Variants in MYLK4 observed in about 807,000 individuals in gnomAD.
MYLK4 encodes myosin light chain kinase family member 4.
A neutral mutation model predicts 48.1 loss-of-function variants in MYLK4; 46 were observed. The ratio of observed to expected loss-of-function variants is 0.96; its 90% confidence interval spans 0.75 to 1.22. MYLK4 has a LOEUF of 1.22. Ranked by LOEUF, MYLK4 falls within the 50% of genes most tolerant of loss-of-function variation. The pLI is 0.00. For missense variants in MYLK4, 451 were observed against 486.1 expected, an observed-to-expected ratio of 0.93 and a Z score of 0.68; for synonymous variants, 170 against 180.8, an observed-to-expected ratio of 0.94 and a Z score of 0.48.
At position 2,677,412 on chromosome 6, in the gene MYLK4, T is replaced by A. The variant is rs565759616; in HGVS notation, c.1040+808A>T. On this transcript the variant is annotated intron_variant, in intron 10 of 12. Transcript: ENST00000274643. ...ATTAGTGACTTTAAAGCCATAAAGA[T>A]AATAAAACGATAAGGCAAGTGCTAT... 1.2e-3 allele frequency among the ~76,000 whole-genome samples: 189 copies of A among 152,302 alleles called. 1 individual carries two copies. Among genetic ancestry groups the A allele is most frequent in the African/African-American group, 4.3e-3 (177 of 41,572 alleles).
At chr6:2,684,571 C>G (rs1761452570) in intron 6 of MYLK4, among the ~76,000 whole-genome samples, 1 of 152,026 alleles carries the variant, frequency 6.6e-6, no homozygotes, top group African/African-American at 2.4e-5. Context: ...TCCACAGGTT[C>G]AAACAATCGT....
At chr6:2,712,683 G>A (rs1762717095) in intron 2 of MYLK4, among the ~76,000 whole-genome samples, 1 of 152,198 alleles carries the variant, frequency 6.6e-6, no homozygotes, top group African/African-American at 2.4e-5. Context: ...AGGCCCAAAT[G>A]AGACGTGCCT....
At chr6:2,747,266 T>G (rs1247352941) in intron 2 of MYLK4, among the ~76,000 whole-genome samples, 1 of 152,174 alleles carries the variant, frequency 6.6e-6, no homozygotes, top group African/African-American at 2.4e-5. Flanking sequence ...AACTTCCAAA[T>G]CATCAACTTC....
At chr6:2,682,086 G>A (rs1761330630) in intron 7 of MYLK4, among the ~76,000 whole-genome samples, 1 of 152,198 alleles carries the variant, frequency 6.6e-6, no homozygotes, top group South Asian at 2.1e-4. Flanking sequence ...AGTGAGGGAA[G>A]CCAAGTTATA....
chr6:2,751,805 A>AT, upstream of MYLK4, among the ~76,000 whole-genome samples: 1 of 152,282 alleles, frequency 6.6e-6, no homozygotes, highest in South Asian at 2.1e-4. Context: ...ATATTTTTCC[A>AT]TTTTATGTAG....
chr6:2,696,440 A>G (rs1762063421), intron 2 of MYLK4, among the ~76,000 whole-genome samples: 1 of 152,192 alleles, frequency 6.6e-6, no homozygotes, highest in African/African-American at 2.4e-5. Flanking sequence ...ATGATTGGAG[A>G]GTCCTCATGA....
At chr6:2,694,941 A>T (rs1762007624) in intron 2 of MYLK4, among the ~76,000 whole-genome samples, 2 of 152,192 alleles carry the variant, frequency 1.3e-5, no homozygotes, top group African/African-American at 4.8e-5. Flanking sequence ...GCCAAGTTAC[A>T]TGATTCCTAT....
At chr6:2,744,593 A>C (rs977970214) in intron 2 of MYLK4, among the ~76,000 whole-genome samples, 1 of 152,234 alleles carries the variant, frequency 6.6e-6, no homozygotes, top group African/African-American at 2.4e-5. Context: ...AAATCCACCA[A>C]CTGCAATCAA....
chr6:2,750,345 A>G (rs550686325), intron 1 of MYLK4, among the ~76,000 whole-genome samples: 1 of 152,346 alleles, frequency 6.6e-6, no homozygotes, highest in South Asian at 2.1e-4. Flanking sequence ...AATTATACTT[A>G]TCCACATAAA....
chr6:2,680,835 G>A (rs532135977), intron 7 of MYLK4, among the ~76,000 whole-genome samples: 2 of 152,240 alleles, frequency 1.3e-5, no homozygotes, highest in South Asian at 2.1e-4. Context: ...CTCTCCAGTC[G>A]TTCTTCAGTC....
chr6:2,705,217 GGCCTTC>G (rs199777368), intron 2 of MYLK4, among the ~76,000 whole-genome samples: 6,530 of 152,248 alleles, frequency 0.043, 188 homozygotes, highest in Middle Eastern at 0.075. Context: ...CAGCAGGTGA[GGCCTTC>G]ACTTGGGTTC....
In MYLK4 at chr6:2,679,286, T is replaced by G. The variant is rs1200133647; in HGVS notation, c.881A>C (p.Tyr294Ser). 1 of 1,614,088 alleles carries G rather than the reference T, an allele frequency of 6.2e-7. No homozygotes were observed. The highest frequency in any genetic ancestry group is 1.1e-5 in the South Asian group (1 of 91,078). ...TDMWSVGVIA[Y>S]MLLSGLSPFL... ...ACAGAGGAGAGCTACTCACAGCATA[T>G]AGGCGATGACCCCCACACTCCACAT... is the stretch of plus-strand genomic sequence containing the variant. Residue 294 changes from tyrosine (Y) to serine (S), a missense_variant, in exon 9 of 13, where the codon TAT becomes TCT. Transcript: ENST00000274643.
chr6:2,679,572 G>A (rs961669152), intron 8 of MYLK4, 164 bp from the exon 9 acceptor site: 19 of 885,808 alleles, frequency 2.1e-5, no homozygotes, highest in Middle Eastern at 5.9e-4. Context: ...TCAAAAACTT[G>A]TAAAGAGGCC....
At chr6:2,743,592 A>G (rs1763970063) in intron 2 of MYLK4, among the ~76,000 whole-genome samples, 1 of 152,200 alleles carries the variant, frequency 6.6e-6, no homozygotes, top group African/African-American at 2.4e-5. Context: ...TTTTCTTTTC[A>G]TAAGTCATAT....
chr6:2,766,660 C>T, the MYLK4 span, among the ~76,000 whole-genome samples: 3 of 152,196 alleles, frequency 2.0e-5, no homozygotes, highest in Admixed American at 6.5e-5. Flanking sequence ...GTAAGGCAGG[C>T]TTGCCGGGTT....
rs560999746 is a variant in MYLK4, at chr6:2,673,671, C to T, written c.1119+1376G>A. ...TATATGCATCTTGCCAGTTGAACAT[C>T]CTAGATGTTCAGTAAAGTTACTTGG... On this transcript the variant is annotated intron_variant, in intron 11 of 12. Coordinates refer to ENST00000274643, the MANE Select transcript of MYLK4 (RefSeq NM_001012418.5). This position sits in a 1 kb window ranked among gnomAD's most constrained non-coding sequence, Gnocchi z 4.2. Among the ~76,000 whole-genome samples the T allele has an allele frequency of 4.3e-4, 65 of 152,290 alleles. No homozygotes were observed. The highest frequency in any genetic ancestry group is 1.5e-3 in the African/African-American group (61 of 41,574).
At chr6:2,690,111 C>A (rs1761716345) in intron 3 of MYLK4, among the ~76,000 whole-genome samples, 1 of 152,146 alleles carries the variant, frequency 6.6e-6, no homozygotes, top group Non-Finnish European at 1.5e-5. Context: ...GGTTAAAAAG[C>A]CTTAAAAGGC....
At chr6:2,770,083 C>T in the MYLK4 span, 1 of 1,611,516 alleles carries the variant, frequency 6.2e-7, no homozygotes, top group Non-Finnish European at 8.5e-7. Context: ...TGGCTGTTGA[C>T]TGGAATCACT....
chr6:2,730,236 A>G (rs1352333875), intron 2 of MYLK4, among the ~76,000 whole-genome samples: 1 of 152,176 alleles, frequency 6.6e-6, no homozygotes, highest in Non-Finnish European at 1.5e-5. Flanking sequence ...CCAAGATGTG[A>G]GCCAACAGGG....
Sources: allele counts gnomAD v4.1 joint callset (sites outside exome capture counted in the v4.1 genomes callset), GRCh38; gene constraint gnomAD v4.1.1; non-coding constraint Gnocchi (gnomAD v3.1); transcripts MANE v1.5; gene names NCBI Gene and HGNC (gene_info 2026-07-23, HGNC 2026-07-21).